Variants in NUFIP1 observed in about 807,000 individuals in gnomAD.
The protein encoded by NUFIP1 is nuclear FMR1 interacting protein 1.
Under a neutral mutation model 56.2 loss-of-function variants are expected in NUFIP1, and 38 were observed. That is an observed-to-expected ratio of 0.68 (90% confidence interval 0.52 to 0.89). The LOEUF is 0.89. Among genes scored for constraint, NUFIP1 ranks in the 40% least tolerant of loss-of-function variants. The probability of loss-of-function intolerance (pLI) is 0.00; values close to 1 mark genes in which losing one functional copy is unlikely to be tolerated. For synonymous variants in NUFIP1, 215 were observed against 212.4 expected, an observed-to-expected ratio of 1.01 and a Z score of -0.10; for missense variants, 567 against 605.8, an observed-to-expected ratio of 0.94 and a Z score of 0.67.
Position 44,941,140 on chromosome 13 carries a change from T to A in NUFIP1, c.*66A>T. 1.3e-6 allele frequency: 1 copy of A among 798,244 alleles called. No individual in the cohort carries two copies. The highest frequency in any genetic ancestry group is 2.0e-6 in the Non-Finnish European group (1 of 489,010). The allele number at this position is 798,244 out of a possible 1,614,324, so 49.4% of individuals were successfully genotyped here. A position where few individuals can be genotyped will look rare whatever the true frequency, so the allele number is the denominator to read the frequency against. On this transcript the variant is annotated 3_prime_UTR_variant, in exon 10 of 10. Coordinates refer to ENST00000379161, the MANE Select transcript of NUFIP1 (RefSeq NM_012345.3). Reference sequence around the variant, plus strand: ...TTTGACGGAAAAAAGGGTTTTGGTTTTCCTCTACTAACGAGGATGATACTG... The same window carrying A: ...TTTGACGGAAAAAAGGGTTTTGGTTATCCTCTACTAACGAGGATGATACTG...
intron 6 of NUFIP1, among the ~76,000 whole-genome samples, chr13:44,960,570 T>C (rs1437380312): frequency 1.3e-5 from 2 of 152,198 alleles, no homozygotes; most frequent in African/African-American, 4.8e-5. Context: ...CCTGGCCTTG[T>C]CTACTCATTT....
Position 44,988,454 on chromosome 13 carries a change from C to CA in NUFIP1, c.412+570dup, listed in dbSNP as rs1444914140. Among the ~76,000 whole-genome samples, 167 of 148,600 alleles carry CA rather than the reference C, an allele frequency of 1.1e-3. 1 individual carries two copies. Among genetic ancestry groups the CA allele is most frequent in the South Asian group, 1.0e-2 (47 of 4,706 alleles). ...GGGCGACAGAGCGACACTCTGTCTC[C>CA]AAAAAAAAAGAAAAAAAGAAAATCC... On this transcript the variant is annotated intron_variant, in intron 1 of 9. Transcript: ENST00000379161.
chr13:44,970,422 C>A (rs1408561350), intron 5 of NUFIP1, among the ~76,000 whole-genome samples: 2 of 152,214 alleles, frequency 1.3e-5, no homozygotes, highest in Non-Finnish European at 2.9e-5. Flanking sequence ...AAAATTCTTA[C>A]TCTGTGAAAT....
chr13:44,972,588 A>G (rs1292665170), intron 5 of NUFIP1, among the ~76,000 whole-genome samples: 1 of 152,242 alleles, frequency 6.6e-6, no homozygotes, highest in African/African-American at 2.4e-5. Context: ...ATGACAGTAT[A>G]TATTTGTCAG....
rs983518549 is a variant in NUFIP1, at chr13:44,959,280, T to C, written c.1021+101A>G. The C allele has an allele frequency of 3.8e-5, 40 of 1,055,190 alleles. No homozygotes were observed. In the African/African-American group the frequency reaches 5.9e-4, roughly 16 times the overall value. 65.4% of individuals were successfully genotyped at this position (1,055,190 alleles called of 1,614,324 possible). On this transcript the variant is annotated intron_variant, in intron 7 of 9. Transcript: ENST00000379161. ...ACAAAAGCATCATTCTGCATTGTTA[T>C]ACATTTGATATTAAACTTTCCACAA...
chr13:44,975,558 T>C (rs930705960), intron 5 of NUFIP1, among the ~76,000 whole-genome samples: 2 of 152,190 alleles, frequency 1.3e-5, no homozygotes, highest in Admixed American at 6.5e-5. Context: ...TCCCCACAAC[T>C]GCCATCTTTG....
rs183685452 is a variant in NUFIP1, at chr13:44,973,691, C to A, written c.734+5499G>T. 1.9e-3 allele frequency among the ~76,000 whole-genome samples: 296 copies of A among 152,230 alleles called. 1 individual carries two copies. The highest frequency in any genetic ancestry group is 3.0e-3 in the Non-Finnish European group (202 of 68,006). On this transcript the variant is annotated intron_variant, in intron 5 of 9. Coordinates refer to ENST00000379161, the MANE Select transcript of NUFIP1 (RefSeq NM_012345.3). ...GTGCTAAAGAGGCAGAAAGGAGATACCATATTCAAAGAAGGGCAAGACATT... is the reference window on the plus strand; with the variant it reads ...GTGCTAAAGAGGCAGAAAGGAGATAACATATTCAAAGAAGGGCAAGACATT...
intron 6 of NUFIP1, among the ~76,000 whole-genome samples, chr13:44,959,935 CTT>C (rs780739517): frequency 2.4e-4 from 34 of 142,996 alleles, no homozygotes; most frequent in Admixed American, 3.5e-4. Context: ...TTTTTCTTCT[CTT>C]TTTTTTTTTT....
chr13:44,983,883 A>G (rs533160607), intron 1 of NUFIP1, among the ~76,000 whole-genome samples: 1 of 152,316 alleles, frequency 6.6e-6, no homozygotes, highest in South Asian at 2.1e-4. Flanking sequence ...CCATGCAGCA[A>G]GAAGGTCCTC....
chr13:44,942,930 C>T (rs1870792159), intron 9 of NUFIP1, among the ~76,000 whole-genome samples: 2 of 146,114 alleles, frequency 1.4e-5, no homozygotes, highest in Non-Finnish European at 3.0e-5. Flanking sequence ...CACGCCACTA[C>T]ACTCCAGCTT....
At chr13:44,973,849 C>T (rs897649610) in intron 5 of NUFIP1, among the ~76,000 whole-genome samples, 3 of 151,986 alleles carry the variant, frequency 2.0e-5, no homozygotes, top group East Asian at 3.9e-4. Context: ...ACTAAAAGGG[C>T]GAAAGTTCAC....
Position 44,959,543 on chromosome 13 carries a change from T to C in NUFIP1, c.859A>G (p.Met287Val), listed in dbSNP as rs147694502. 3,170 of 1,613,534 alleles carry C rather than the reference T, an allele frequency of 2.0e-3. 3 individuals carry two copies. The highest frequency in any genetic ancestry group is 2.3e-3 in the Non-Finnish European group (2,754 of 1,179,882). ...KMKGMSRHSQ[M>V]AKIRSPGKNH... ...TTGCCAGGACTTCTGATCTTTGCCA[T>C]TTGTGAATGTCTGGACATCCCCTTC... Residue 287 changes from methionine to valine, a missense_variant, in exon 7 of 10, where the codon ATG (methionine) becomes GTG (valine). Coordinates refer to ENST00000379161, the MANE Select transcript of NUFIP1 (RefSeq NM_012345.3).
At chr13:44,989,002 A>G in intron 1 of NUFIP1, 23 bp downstream of exon 1, 1 of 1,611,916 alleles carries the variant, frequency 6.2e-7, no homozygotes, top group Non-Finnish European at 8.5e-7. Context: ...AAAGGGGTCG[A>G]CTCACGTGGA....
At chr13:44,948,028 T>C (rs1187348321) in intron 8 of NUFIP1, among the ~76,000 whole-genome samples, 1 of 152,194 alleles carries the variant, frequency 6.6e-6, no homozygotes, top group Non-Finnish European at 1.5e-5. Flanking sequence ...AACACCATTT[T>C]TCATATTAAA....
chr13:44,979,976 A>C, intron 3 of NUFIP1, 24 bp from the exon 4 acceptor site: 2 of 1,550,314 alleles, frequency 1.3e-6, no homozygotes, highest in Non-Finnish European at 1.8e-6. Context: ...AAAGAAAAAA[A>C]AAACTATTTA....
rs1342015511 is a variant in NUFIP1, at chr13:44,939,265, T to C, written c.*1941A>G. 1 of 152,200 alleles carries C rather than the reference T, an allele frequency of 6.6e-6. No homozygotes were observed. The highest frequency in any genetic ancestry group is 1.5e-5 in the Non-Finnish European group (1 of 68,038). The allele number at this position is 152,200 out of a possible 1,614,324, so 9.4% of individuals were successfully genotyped here. On this transcript the variant is annotated 3_prime_UTR_variant, in exon 10 of 10. Coordinates refer to ENST00000379161, the MANE Select transcript of NUFIP1 (RefSeq NM_012345.3). ...ACAGCCAGGAATAGTCCAAATGTTTTAATAATCTCAATTAATATAAATGTA... is the reference window on the plus strand; with the variant it reads ...ACAGCCAGGAATAGTCCAAATGTTTCAATAATCTCAATTAATATAAATGTA...
intron 7 of NUFIP1, among the ~76,000 whole-genome samples, chr13:44,951,303 G>T (rs143163516): frequency 2.6e-5 from 4 of 152,298 alleles, no homozygotes; most frequent in Non-Finnish European, 5.9e-5. Context: ...AAAAAGTACA[G>T]TAATAGTTGA....
chr13:44,982,732 C>T (rs78328410), intron 1 of NUFIP1, among the ~76,000 whole-genome samples: 7,608 of 152,072 alleles, frequency 0.05, 227 homozygotes, highest in South Asian at 0.097. Context: ...ATGGACCAGG[C>T]GTGGTGGCTC....
intron 1 of NUFIP1, among the ~76,000 whole-genome samples, chr13:44,986,076 C>T (rs1436283213): frequency 2.0e-5 from 3 of 152,180 alleles, no homozygotes; most frequent in African/African-American, 4.8e-5. Flanking sequence ...CTGCTCTGCC[C>T]TCCTGAAGTG....
Sources: allele counts gnomAD v4.1 joint callset (sites outside exome capture counted in the v4.1 genomes callset), GRCh38; gene constraint gnomAD v4.1.1; transcripts MANE v1.5; gene names NCBI Gene and HGNC (gene_info 2026-07-23, HGNC 2026-07-21).